The following STX8 variants were observed in gnomAD, a reference collection of about 807,000 sequenced individuals.
The protein encoded by STX8 is syntaxin 8, also known as syntaxin-8.
Under a neutral mutation model 37.5 loss-of-function variants are expected in STX8, and 23 were observed. The ratio of observed to expected loss-of-function variants is 0.61; its 90% CI spans 0.44 to 0.87. The LOEUF is 0.87. STX8 is among the 40% of genes least tolerant of loss of function. The pLI is 0.00. For synonymous variants in STX8, 115 were observed against 99.1 expected (o/e 1.16, Z -0.95); for missense variants, 313 against 284.7 (o/e 1.10, Z -0.71).
At chr17:9,327,986 CTTT>C (rs1909834857) in intron 7 of STX8, among the ~76,000 whole-genome samples, 1 of 146,116 alleles carries the variant, frequency 6.8e-6, no homozygotes, top group Non-Finnish European at 1.5e-5. Context: ...TTCCTTCCTT[CTTT>C]TGTCTCTCTC....
chr17:9,287,083 G>A (rs1377573509), intron 7 of STX8, among the ~76,000 whole-genome samples: 1 of 152,150 alleles, frequency 6.6e-6, no homozygotes, highest in African/African-American at 2.4e-5. Context: ...TCTACTAGTG[G>A]GGAATGGTAT....
chr17:9,511,658 G>A (rs1269321359), intron 4 of STX8, among the ~76,000 whole-genome samples: 1 of 151,988 alleles, frequency 6.6e-6, no homozygotes, highest in Non-Finnish European at 1.5e-5. Context: ...AAAGGTGAAA[G>A]CTTTGCCTCT....
chr17:9,541,920 G>A (rs927784005), intron 4 of STX8, among the ~76,000 whole-genome samples: 1 of 152,020 alleles, frequency 6.6e-6, no homozygotes, highest in South Asian at 2.1e-4. Context: ...AAAACCACCC[G>A]GTAGTCTCCC....
intron 7 of STX8, 57 bp downstream of exon 7, chr17:9,378,495 G>T (rs532507654): frequency 6.8e-7 from 1 of 1,469,768 alleles, no homozygotes; most frequent in African/African-American, 1.4e-5. Flanking sequence ...GAAACTCAGA[G>T]CAGAGTAAAT....
intron 7 of STX8, among the ~76,000 whole-genome samples, chr17:9,301,588 T>C (rs1246049676): frequency 2.5e-4 from 38 of 151,154 alleles, no homozygotes; most frequent in Admixed American, 2.5e-3. Context: ...GTTCACGCCA[T>C]TCTCCTGCTT....
intron 2 of STX8, among the ~76,000 whole-genome samples, chr17:9,559,734 T>TTC (rs1555537461): frequency 2.1e-5 from 1 of 48,750 alleles, no homozygotes; most frequent in Non-Finnish European, 3.7e-5. Context: ...TATTATTATT[T>TTC]TATATATATA....
chr17:9,506,418 CCCA>C lies in STX8; in HGVS notation c.324-1259_324-1257del, dbSNP rs1336189252. Among the ~76,000 whole-genome samples the C allele has an allele frequency of 2.5e-3, 251 of 98,560 alleles. 13 individuals are homozygous for C. Among genetic ancestry groups the C allele is most frequent in the African/African-American group, 8.6e-3 (230 of 26,864 alleles). The allele number at this position is 98,560 out of a possible 152,430, so 64.7% of individuals were successfully genotyped here. A position where few individuals can be genotyped will look rare whatever the true frequency, so the allele number is the denominator to read the frequency against. On this transcript the variant is annotated intron_variant, in intron 4 of 7. Coordinates refer to ENST00000306357, the MANE Select transcript of STX8 (RefSeq NM_004853.3). ...TGGTGCTCACCCGCTCCCCCCCCCC[CCCA>C]CCCACCTTTCTTAGGAAAGGACTAA... is the stretch of plus-strand genomic sequence containing the variant.
chr17:9,300,723 A>T (rs1908740614), intron 7 of STX8, among the ~76,000 whole-genome samples: 2 of 151,870 alleles, frequency 1.3e-5, no homozygotes, highest in Non-Finnish European at 2.9e-5. Flanking sequence ...TGCAAGTAAG[A>T]TGTTAATTTT....
At chr17:9,500,830 G>C (rs1479471697) in intron 5 of STX8, among the ~76,000 whole-genome samples, 1 of 151,974 alleles carries the variant, frequency 6.6e-6, no homozygotes, top group Admixed American at 6.6e-5. Flanking sequence ...GTGAAACCCT[G>C]TCTCTATTTA....
At chr17:9,338,746 C>G (rs939469111) in intron 7 of STX8, among the ~76,000 whole-genome samples, 1 of 152,200 alleles carries the variant, frequency 6.6e-6, no homozygotes, top group African/African-American at 2.4e-5. Context: ...GAATCGGTAT[C>G]TCTGTGTGTG....
intron 7 of STX8, among the ~76,000 whole-genome samples, chr17:9,312,887 A>G (rs962354430): frequency 6.6e-6 from 1 of 152,114 alleles, no homozygotes; most frequent in South Asian, 2.1e-4. Context: ...CTCCAGGGAA[A>G]TGGGTTAAAG....
chr17:9,546,039 G>T (rs185218460), intron 3 of STX8, among the ~76,000 whole-genome samples: 1 of 152,246 alleles, frequency 6.6e-6, no homozygotes, highest in East Asian at 1.9e-4. Context: ...GGCGCTGGGG[G>T]AGAGAAGTTC....
chr17:9,470,853 A>G (rs1209353819), intron 6 of STX8, among the ~76,000 whole-genome samples: 3 of 149,874 alleles, frequency 2.0e-5, no homozygotes, highest in Non-Finnish European at 4.4e-5. Flanking sequence ...CAGCCTCCTG[A>G]GTAGCTGGGA....
chr17:9,438,441 G>GTATC (rs1260693682), intron 6 of STX8, among the ~76,000 whole-genome samples: 2 of 151,790 alleles, frequency 1.3e-5, no homozygotes, highest in African/African-American at 4.8e-5. Flanking sequence ...TCCTGAACCA[G>GTATC]TATCTGTCTT....
chr17:9,444,314 GCT>G (rs1237030202), intron 6 of STX8, among the ~76,000 whole-genome samples: 1 of 152,086 alleles, frequency 6.6e-6, no homozygotes, highest in Middle Eastern at 3.2e-3. Context: ...TACTTCTTCA[GCT>G]CTAACAACGC....
chr17:9,430,649 C>CTTT (rs34803730), intron 6 of STX8, among the ~76,000 whole-genome samples: 4 of 120,900 alleles, frequency 3.3e-5, no homozygotes, highest in Admixed American at 1.8e-4. Context: ...GTGGTTTTGG[C>CTTT]TTTTTTTTTT....
In STX8 at chr17:9,525,088, C is replaced by T. The variant is rs1322455909; in HGVS notation, c.324-19926G>A. The stretch of plus-strand genomic sequence containing the variant: ...CCTCCCAAAGCACTGGGATTACAGG[C>T]GTGAGCCACTGCGCCTGGCCAACAC... On this transcript the variant is annotated intron_variant, in intron 4 of 7. Coordinates refer to ENST00000306357, the MANE Select transcript of STX8 (RefSeq NM_004853.3). 7.9e-5 allele frequency among the ~76,000 whole-genome samples: 12 copies of T among 152,226 alleles called. 1 individual carries two copies. Among genetic ancestry groups the T allele is most frequent in the African/African-American group, 2.9e-4 (12 of 41,552 alleles).
chr17:9,253,727 C>T (rs2142117336), intron 7 of STX8, among the ~76,000 whole-genome samples: 1 of 152,238 alleles, frequency 6.6e-6, no homozygotes, highest in Non-Finnish European at 1.5e-5. Flanking sequence ...GGCCCAGAAG[C>T]TCCATGCATC....
intron 2 of STX8, among the ~76,000 whole-genome samples, chr17:9,561,816 C>T (rs1184295190): frequency 2.0e-5 from 3 of 151,468 alleles, no homozygotes; most frequent in Non-Finnish European, 4.4e-5. Flanking sequence ...TATATGTGTT[C>T]AAAAGGCTTA....
Sources: allele counts gnomAD v4.1 joint callset (sites outside exome capture counted in the v4.1 genomes callset), GRCh38; gene constraint gnomAD v4.1.1; transcripts MANE v1.5; gene names NCBI Gene and HGNC (gene_info 2026-07-23, HGNC 2026-07-21).